The following SGCZ variants were observed in gnomAD, a reference collection of about 807,000 sequenced individuals.
SGCZ encodes zeta-sarcoglycan.
A neutral mutation model predicts 41.3 loss-of-function variants in SGCZ; 40 were observed. The ratio of observed to expected loss-of-function variants is 0.97; its 90% CI spans 0.75 to 1.26. The LOEUF (loss-of-function observed/expected upper bound fraction) is 1.26, where lower values mean the gene tolerates loss of function less well. Ranked by LOEUF, SGCZ falls within the 50% of genes most tolerant of loss-of-function variation. SGCZ has a pLI of 0.00. For missense variants in SGCZ, 552 were observed against 369.8 expected (o/e 1.49, Z -4.04); for synonymous variants, 206 against 137.5 (o/e 1.50, Z -3.49).
At chr8:14,540,381 C>T (rs1269222196) in intron 2 of SGCZ, among the ~76,000 whole-genome samples, 2 of 150,978 alleles carry the variant, frequency 1.3e-5, no homozygotes, top group African/African-American at 4.9e-5. Flanking sequence ...TATTACCTTT[C>T]TAATACAAAC....
At chr8:14,375,363 C>A (rs1294793910) in intron 2 of SGCZ, among the ~76,000 whole-genome samples, 2 of 152,176 alleles carry the variant, frequency 1.3e-5, no homozygotes, top group Non-Finnish European at 2.9e-5. Flanking sequence ...TAAGAAAGGT[C>A]AAGTGGCCAA....
intron 3 of SGCZ, among the ~76,000 whole-genome samples, chr8:14,256,893 C>T (rs1417476899): frequency 6.6e-6 from 1 of 152,062 alleles, no homozygotes; most frequent in East Asian, 1.9e-4. Flanking sequence ...ATGATATATT[C>T]CTCTCACCAT....
intron 1 of SGCZ, among the ~76,000 whole-genome samples, chr8:14,884,402 G>C (rs1216756171): frequency 6.6e-6 from 1 of 151,758 alleles, no homozygotes; most frequent in East Asian, 1.9e-4. Flanking sequence ...ATCAGTATAA[G>C]ATAAATGAAC....
intron 3 of SGCZ, among the ~76,000 whole-genome samples, chr8:14,288,216 A>T (rs1800707888): frequency 6.6e-6 from 1 of 152,096 alleles, no homozygotes; most frequent in Non-Finnish European, 1.5e-5. Context: ...AAATTTAATT[A>T]TTAATCTCTT....
chr8:14,586,574 AC>A (rs1192687487), intron 1 of SGCZ, among the ~76,000 whole-genome samples: 4 of 152,184 alleles, frequency 2.6e-5, no homozygotes, highest in African/African-American at 9.6e-5. Flanking sequence ...TAATTAAAAA[AC>A]AAATGAAACT....
At chr8:14,717,021 T>C (rs1809711906) in intron 1 of SGCZ, among the ~76,000 whole-genome samples, 1 of 152,086 alleles carries the variant, frequency 6.6e-6, no homozygotes, top group African/African-American at 2.4e-5. Context: ...TGTAGTAAAA[T>C]CCACTGAGAA....
At chr8:14,125,711 C>G (rs890867098) in intron 5 of SGCZ, among the ~76,000 whole-genome samples, 2 of 152,144 alleles carry the variant, frequency 1.3e-5, no homozygotes, top group African/African-American at 4.8e-5. Flanking sequence ...AGGCATCACA[C>G]TACCTGATTC....
intron 1 of SGCZ, among the ~76,000 whole-genome samples, chr8:14,907,318 A>T (rs141676708): frequency 6.6e-6 from 1 of 152,088 alleles, no homozygotes; most frequent in African/African-American, 2.4e-5. Flanking sequence ...CCTCAGCCTC[A>T]TGAGTAGCTG....
intron 1 of SGCZ, among the ~76,000 whole-genome samples, chr8:14,823,924 C>A (rs1409755068): frequency 1.3e-5 from 2 of 151,714 alleles, no homozygotes; most frequent in Non-Finnish European, 2.9e-5. Flanking sequence ...CTGTCACTTG[C>A]AACAACATGG....
At chr8:14,195,353 A>C (rs1585220344) in intron 4 of SGCZ, among the ~76,000 whole-genome samples, 1 of 152,280 alleles carries the variant, frequency 6.6e-6, no homozygotes, top group Non-Finnish European at 1.5e-5. Flanking sequence ...AAGTGAACTC[A>C]GTCCATAACA....
chr8:15,156,291 A>G (rs2117029662), intron 1 of SGCZ, among the ~76,000 whole-genome samples: 1 of 152,256 alleles, frequency 6.6e-6, no homozygotes, highest in East Asian at 1.9e-4. Flanking sequence ...GATTGTCACT[A>G]GGCAATCTAA....
At chr8:14,278,371 G>A (rs77232858) in intron 3 of SGCZ, among the ~76,000 whole-genome samples, 9,443 of 151,976 alleles carry the variant, frequency 0.062, 919 homozygotes, top group African/African-American at 0.2. Context: ...TTTTAAAACC[G>A]TGTATAGTCA....
chr8:14,326,170 G>A (rs1007518507), intron 2 of SGCZ, among the ~76,000 whole-genome samples: 5 of 140,086 alleles, frequency 3.6e-5, no homozygotes, highest in Non-Finnish European at 7.6e-5. Flanking sequence ...CTGTCACTAT[G>A]GATAAGCAAG....
At chr8:14,345,173 A>G (rs1414283285) in intron 2 of SGCZ, among the ~76,000 whole-genome samples, 1 of 152,262 alleles carries the variant, frequency 6.6e-6, no homozygotes, top group South Asian at 2.1e-4. Flanking sequence ...TAAACTTATG[A>G]AAAGGTGGTT....
chr8:15,227,162 G>C (rs1324478110), intron 1 of SGCZ, among the ~76,000 whole-genome samples: 1 of 152,136 alleles, frequency 6.6e-6, no homozygotes, highest in Non-Finnish European at 1.5e-5. Flanking sequence ...GCAAGTGAAA[G>C]TAGAAACCAC....
chr8:14,434,840 A>G (rs1800043104), intron 2 of SGCZ, among the ~76,000 whole-genome samples: 1 of 152,160 alleles, frequency 6.6e-6, no homozygotes, highest in Non-Finnish European at 1.5e-5. Context: ...GAGGTAGGAC[A>G]ATCGCTTGAG....
At chr8:14,598,598 G>T (rs766608718) in intron 1 of SGCZ, among the ~76,000 whole-genome samples, 1 of 151,730 alleles carries the variant, frequency 6.6e-6, no homozygotes. Flanking sequence ...GCAATCGTCA[G>T]CTCACTGCAG....
At chr8:14,619,213 A>T (rs1015034711) in intron 1 of SGCZ, among the ~76,000 whole-genome samples, 9 of 147,892 alleles carry the variant, frequency 6.1e-5, no homozygotes, top group African/African-American at 2.2e-4. Flanking sequence ...CAATAGATGC[A>T]GAAAAGGCCT....
At chr8:14,258,416 C>A (rs911974891) in intron 3 of SGCZ, among the ~76,000 whole-genome samples, 2 of 152,042 alleles carry the variant, frequency 1.3e-5, no homozygotes, top group Non-Finnish European at 2.9e-5. Context: ...ATTCATGGAA[C>A]AAAGTCAAAA....
Sources: allele counts gnomAD v4.1 joint callset (sites outside exome capture counted in the v4.1 genomes callset), GRCh38; gene constraint gnomAD v4.1.1; transcripts MANE v1.5; gene names NCBI Gene and HGNC (gene_info 2026-07-23, HGNC 2026-07-21).